SYNJ2BP: variants seen among roughly 807,000 people sequenced by gnomAD.
SYNJ2BP encodes the protein synaptojanin-2-binding protein.
SYNJ2BP carries 10 observed loss-of-function variants against 16.9 expected under a neutral mutation model. The observed-to-expected ratio is 0.59, with a 90% CI of 0.36 to 1.00. The LOEUF is 1.00. Ranked by LOEUF, SYNJ2BP falls within the 50% of genes least tolerant of loss-of-function variation. SYNJ2BP has a pLI of 0.01. For synonymous variants in SYNJ2BP, 54 were observed against 68.4 expected (o/e 0.79, Z 1.04); for missense variants, 162 against 186.7 (o/e 0.87, Z 0.77).
At chr14:70,388,643 A>G in intron 1 of SYNJ2BP, 37 bp from the exon 2 acceptor site, 8 of 1,452,308 alleles carry the variant, frequency 5.5e-6, no homozygotes, top group Admixed American at 2.5e-5. Context: ...GATGGGGGTG[A>G]AGAAGAAAGA....
chr14:70,405,850 T>C (rs1402505442), intron 1 of SYNJ2BP, among the ~76,000 whole-genome samples: 1 of 152,216 alleles, frequency 6.6e-6, no homozygotes. Context: ...GATGTGTTGG[T>C]CTTGTGCTGT....
chr14:70,379,929 G>A (rs1342361058), intron 2 of SYNJ2BP, among the ~76,000 whole-genome samples: 1 of 152,148 alleles, frequency 6.6e-6, no homozygotes, highest in Non-Finnish European at 1.5e-5. Context: ...ATGCAAATGA[G>A]ATAACTGGGT....
At chr14:70,392,494 C>T (rs1477043341) in intron 1 of SYNJ2BP, among the ~76,000 whole-genome samples, 7 of 151,918 alleles carry the variant, frequency 4.6e-5, no homozygotes, top group South Asian at 2.1e-4. Context: ...ACATAAAATA[C>T]GAAAAAAAAT....
chr14:70,367,924 T>C lies in SYNJ2BP; in HGVS notation c.*5067A>G, dbSNP rs1052395096. The C allele has an allele frequency of 1.3e-5, 2 of 152,154 alleles. No individual in the cohort carries two copies. The highest frequency in any genetic ancestry group is 4.8e-5 in the African/African-American group (2 of 41,420). 9.4% of individuals were successfully genotyped at this position (152,154 alleles called of 1,614,324 possible). ...CTCTCTATCTTCGGCACCTAGCACATAGTAGGCAGTCATTAGTTATTTGCT... is the reference window on the plus strand; with the variant it reads ...CTCTCTATCTTCGGCACCTAGCACACAGTAGGCAGTCATTAGTTATTTGCT... On this transcript the variant is annotated 3_prime_UTR_variant, in exon 4 of 4. Transcript: ENST00000256366.
intron 1 of SYNJ2BP, among the ~76,000 whole-genome samples, chr14:70,393,332 G>A (rs1030142586): frequency 6.6e-6 from 1 of 152,164 alleles, no homozygotes; most frequent in African/African-American, 2.4e-5. Context: ...GGAGAAATGG[G>A]GATGCTTTTA....
At position 70,369,816 on chromosome 14, in the gene SYNJ2BP, AG is replaced by A. The variant is rs1480326490; in HGVS notation, c.*3174del. ...TATCTTATAATTATACATGTAATAC[AG>A]AATGATAGAGAAATGTTTTAAGTAC... On this transcript the variant is annotated 3_prime_UTR_variant, in exon 4 of 4. Coordinates refer to ENST00000256366, the MANE Select transcript of SYNJ2BP (RefSeq NM_018373.3). 2 of 152,242 alleles carry A rather than the reference AG, an allele frequency of 1.3e-5. No homozygotes were observed. The highest frequency in any genetic ancestry group is 2.9e-5 in the Non-Finnish European group (2 of 68,034). 9.4% of individuals were successfully genotyped at this position (152,242 alleles called of 1,614,324 possible). A position where few individuals can be genotyped will look rare whatever the true frequency, so the allele number is the denominator to read the frequency against.
At chr14:70,391,126 AAAAAT>A (rs1460025466) in intron 1 of SYNJ2BP, among the ~76,000 whole-genome samples, 7 of 152,194 alleles carry the variant, frequency 4.6e-5, no homozygotes, top group Non-Finnish European at 8.8e-5. Context: ...CCCCCATCTC[AAAAAT>A]AAAATAAAAT....
chr14:70,394,925 A>T (rs11629269), intron 1 of SYNJ2BP, among the ~76,000 whole-genome samples: 8,263 of 152,326 alleles, frequency 0.054, 291 homozygotes, highest in Middle Eastern at 0.11. Flanking sequence ...GCTCTTTGCA[A>T]AGCCAAGACT....
chr14:70,396,332 T>C (rs1888094156), intron 1 of SYNJ2BP, among the ~76,000 whole-genome samples: 1 of 152,174 alleles, frequency 6.6e-6, no homozygotes, highest in South Asian at 2.1e-4. Context: ...TTAGCCAGGA[T>C]GGTCTCCATC....
chr14:70,402,129 A>C (rs2140860524), intron 1 of SYNJ2BP, among the ~76,000 whole-genome samples: 1 of 152,262 alleles, frequency 6.6e-6, no homozygotes, highest in South Asian at 2.1e-4. Flanking sequence ...AGTCATGGAC[A>C]GGTTCCTCTC....
chr14:70,388,448 G>A (rs1372084887), intron 2 of SYNJ2BP, 22 bp downstream of exon 2: 9 of 1,524,812 alleles, frequency 5.9e-6, no homozygotes, highest in Non-Finnish European at 7.9e-6. Context: ...GGACAGTGAA[G>A]GAGGCCGAAG....
chr14:70,413,868 T>C lies in SYNJ2BP; in HGVS notation c.64+3032A>G, dbSNP rs549991199. On this transcript the variant is annotated intron_variant, in intron 1 of 3. Coordinates refer to ENST00000256366, the MANE Select transcript of SYNJ2BP (RefSeq NM_018373.3). ...GAACACAAAGGGGGAATGGTACACA[T>C]GTTCTCGGATCTGATTAAACATCAG... is the stretch of plus-strand genomic sequence containing the variant. Among the ~76,000 whole-genome samples the C allele has an allele frequency of 4.6e-5, 7 of 152,340 alleles. No homozygotes were observed. In the South Asian group the frequency reaches 1.2e-3, roughly 27 times the overall value.
At chr14:70,375,817 A>G in intron 2 of SYNJ2BP, 46 bp from the exon 3 acceptor site, 1 of 1,603,310 alleles carries the variant, frequency 6.2e-7, no homozygotes, top group Non-Finnish European at 8.5e-7. Context: ...AGGCTATTAG[A>G]AGTCAACAAT....
chr14:70,410,172 T>C (rs1888439985), intron 1 of SYNJ2BP, among the ~76,000 whole-genome samples: 1 of 152,172 alleles, frequency 6.6e-6, no homozygotes, highest in East Asian at 1.9e-4. Context: ...CCCAGCACTT[T>C]AGGAGGCCGA....
intron 1 of SYNJ2BP, 57 bp from the exon 2 acceptor site, chr14:70,388,663 G>C: frequency 2.8e-6 from 4 of 1,428,724 alleles, no homozygotes; most frequent in South Asian, 3.4e-5. Flanking sequence ...AAAGAGATTA[G>C]AGAAGATGAA....
At chr14:70,374,515 G>A (rs987048709) in intron 3 of SYNJ2BP, among the ~76,000 whole-genome samples, 2 of 152,192 alleles carry the variant, frequency 1.3e-5, no homozygotes, top group African/African-American at 4.8e-5. Flanking sequence ...TTGTGAATAT[G>A]CTCAGAAATT....
At chr14:70,380,654 T>G (rs1887728481) in intron 2 of SYNJ2BP, among the ~76,000 whole-genome samples, 2 of 90,724 alleles carry the variant, frequency 2.2e-5, no homozygotes, top group Non-Finnish European at 2.3e-5. Context: ...AGAGCAAGAC[T>G]CTGTCTCAAA....
chr14:70,373,276 C>T (rs1887556917), intron 3 of SYNJ2BP, 145 bp from the exon 4 acceptor site: 1 of 1,095,490 alleles, frequency 9.1e-7, no homozygotes, highest in African/African-American at 1.6e-5. Flanking sequence ...GGAGTCCTCT[C>T]TTTGTCCTGA....
intron 1 of SYNJ2BP, among the ~76,000 whole-genome samples, chr14:70,415,775 A>T (rs1364063873): frequency 6.6e-6 from 1 of 152,160 alleles, no homozygotes; most frequent in South Asian, 2.1e-4. Context: ...GTACTTGATG[A>T]TTTATTAGAG....
Sources: gnomAD v4.1 joint callset for allele counts (sites outside exome capture counted in the v4.1 genomes callset) on GRCh38, gnomAD v4.1.1 for gene constraint, MANE v1.5 for transcripts, NCBI Gene and HGNC (gene_info 2026-07-23, HGNC 2026-07-21) for gene names.